Variants in ITPRID2 observed in about 807,000 individuals in gnomAD.
ITPRID2 encodes ITPR interacting domain containing 2.
ITPRID2 carries 60 observed loss-of-function variants against 124.3 expected under a neutral mutation model. The observed-to-expected ratio is 0.48, with a 90% CI of 0.39 to 0.60. ITPRID2 has a LOEUF of 0.60. ITPRID2 is among the 20% of genes least tolerant of loss of function. The pLI is 0.00. For synonymous variants in ITPRID2, 521 were observed against 542.9 expected (o/e 0.96, Z 0.56); for missense variants, 1,553 against 1,512.2 (o/e 1.03, Z -0.45).
At chr2:181,928,381 G>A (rs1044739194) in intron 17 of ITPRID2, 103 bp downstream of exon 17, 29 of 672,756 alleles carry the variant, frequency 4.3e-5, no homozygotes, top group African/African-American at 4.2e-4. Flanking sequence ...GTTAAATTTT[G>A]AGTTTTAGAA....
At chr2:181,914,009 T>C in intron 10 of ITPRID2, 76 bp downstream of exon 10, 1 of 883,512 alleles carries the variant, frequency 1.1e-6, no homozygotes, top group South Asian at 1.6e-5. Context: ...CTATATATTT[T>C]AATATTGAGT....
chr2:181,921,073 A>G (rs1694443614), intron 15 of ITPRID2, among the ~76,000 whole-genome samples: 1 of 152,182 alleles, frequency 6.6e-6, no homozygotes, highest in Non-Finnish European at 1.5e-5. Context: ...AGTCCCAGTT[A>G]CTCAGGAGGC....
At chr2:181,898,980 T>TA (rs774188199) in intron 5 of ITPRID2, 34 bp from the exon 6 acceptor site, 1 of 1,596,820 alleles carries the variant, frequency 6.3e-7, no homozygotes, top group South Asian at 1.1e-5. Context: ...AAAATAAAGT[T>TA]ATAAAGTTTT....
At chr2:181,899,261 CTTTTTGTTTT>C (rs1692467633) in intron 6 of ITPRID2, 149 bp downstream of exon 6, 1 of 606,262 alleles carries the variant, frequency 1.6e-6, no homozygotes, top group African/African-American at 1.9e-5. Flanking sequence ...CTGATAGGAG[CTTTTTGTTTT>C]GTTTTGTTTT....
chr2:181,915,555 G>A lies in ITPRID2; in HGVS notation c.1915G>A (p.Glu639Lys). Reference sequence around the variant, plus strand: ...AGCAGAGACAGTAGAGCTACTGAGGGAAGCAAGTGCTGAAAGTGATGTGGG... The same window carrying A: ...AGCAGAGACAGTAGAGCTACTGAGGAAAGCAAGTGCTGAAAGTGATGTGGG... Reference protein sequence around the residue: ...FPAETVELLREASAESDVGKS... With the variant: ...FPAETVELLRKASAESDVGKS... Residue 639 changes from glutamate to lysine, a missense_variant, in exon 11 of 18, where the codon GAA becomes AAA. Transcript: ENST00000431877. 1 of 1,614,208 alleles carries A rather than the reference G, an allele frequency of 6.2e-7. No individual in the cohort carries two copies. Among genetic ancestry groups the A allele is most frequent in the Non-Finnish European group, 8.5e-7 (1 of 1,180,038 alleles).
intron 2 of ITPRID2, chr2:181,894,194 T>C (rs1470484544): frequency 6.6e-6 from 1 of 152,230 alleles, no homozygotes; most frequent in Non-Finnish European, 1.5e-5. Context: ...TAATGACATA[T>C]AGGATTTAAG....
At position 181,901,756 on chromosome 2, in the gene ITPRID2, C is replaced by T. The variant is rs1692684050; in HGVS notation, c.713-10C>T. 4 of 1,567,256 alleles carry T rather than the reference C, an allele frequency of 2.6e-6. No individual in the cohort carries two copies. Among genetic ancestry groups the T allele is most frequent in the Non-Finnish European group, 3.4e-6 (4 of 1,159,444 alleles). On this transcript the variant is annotated splice_polypyrimidine_tract_variant and intron_variant, in intron 7 of 17. Coordinates refer to ENST00000431877, the MANE Select transcript of ITPRID2 (RefSeq NM_001130445.3). ...TATAAACATATCATTAATATTGTTT[C>T]TTTTGGTAGGCCGTTTTCGTCAAAT...
At chr2:181,898,520 A>G (rs939431670) in intron 4 of ITPRID2, among the ~76,000 whole-genome samples, 8 of 152,114 alleles carry the variant, frequency 5.3e-5, no homozygotes, top group African/African-American at 1.9e-4. Context: ...ATTCATTAAT[A>G]GCTTTTAAAT....
chr2:181,913,282 T>C (rs1046331564), intron 9 of ITPRID2, among the ~76,000 whole-genome samples: 9 of 152,152 alleles, frequency 5.9e-5, no homozygotes, highest in Admixed American at 2.6e-4. Flanking sequence ...TTAGCCAGGA[T>C]GGTCTCGATC....
chr2:181,919,403 G>A lies in ITPRID2; in HGVS notation c.3101G>A (p.Arg1034His), dbSNP rs141174919. The A allele has an allele frequency of 1.9e-4, 308 of 1,613,490 alleles. No individual in the cohort carries two copies. In the East Asian group the frequency reaches 4.3e-3, roughly 23 times the overall value. Reference protein sequence around the residue: ...ERLLGLEEQLRAVRMPSPFRS... With the variant: ...ERLLGLEEQLHAVRMPSPFRS... Reference sequence around the variant, plus strand: ...CTGCTGGGCCTGGAGGAGCAGCTTCGTGCTGTGCGCATGCCTTCACCCTTC... The same window carrying A: ...CTGCTGGGCCTGGAGGAGCAGCTTCATGCTGTGCGCATGCCTTCACCCTTC... Residue 1034 changes from arginine (R) to histidine (H), a missense_variant, in exon 14 of 18, where the codon CGT becomes CAT. By Grantham distance (29) the Arg-to-His change is conservative. Transcript: ENST00000431877. The surrounding 1 kb of genome is among the most constrained non-coding windows in gnomAD (Gnocchi z 4.2).
chr2:181,895,462 G>A (rs193117186), intron 2 of ITPRID2, among the ~76,000 whole-genome samples: 25 of 152,070 alleles, frequency 1.6e-4, no homozygotes, highest in African/African-American at 4.6e-4. Flanking sequence ...AAAACAAAGC[G>A]AATCTCAAGC....
In ITPRID2 at chr2:181,929,649, G is replaced by A. The variant is rs756229221; in HGVS notation, c.*102G>A. On this transcript the variant is annotated 3_prime_UTR_variant, in exon 18 of 18. Coordinates refer to ENST00000431877, the MANE Select transcript of ITPRID2 (RefSeq NM_001130445.3). Reference sequence around the variant, plus strand: ...GTTATTTGTGCTTTAGAAGATACTTGCTGTTGAGCTGGGCTACTGTATACA... The same window carrying A: ...GTTATTTGTGCTTTAGAAGATACTTACTGTTGAGCTGGGCTACTGTATACA... 6.2e-7 allele frequency: 1 copy of A among 1,609,704 alleles called. No individual in the cohort carries two copies. Among genetic ancestry groups the A allele is most frequent in the South Asian group, 1.1e-5 (1 of 90,896 alleles).
Position 181,918,616 on chromosome 2 carries a change from C to G in ITPRID2, c.2806C>G (p.Pro936Ala), listed in dbSNP as rs1397992899. 3 of 1,613,884 alleles carry G rather than the reference C, an allele frequency of 1.9e-6. No homozygotes were observed. Among genetic ancestry groups the G allele is most frequent in the Non-Finnish European group, 2.5e-6 (3 of 1,179,944 alleles). ...TTTGAAGTACCCTATGATGAGAGGA[C>G]CTGATCCTGCTGCTGCTCCATATAG... ...NLSQYPMMRG[P>A]DPAAAPYSTQ... The change falls in exon 12 of 18, where the codon CCT (proline) becomes GCT (alanine). Residue 936 changes from proline (P) to alanine (A), a missense_variant. Physicochemically the swap from Pro to Ala is conservative, Grantham distance 27. Transcript: ENST00000431877.
chr2:181,896,043 G>T lies in ITPRID2; in HGVS notation c.271G>T (p.Ala91Ser), dbSNP rs1460728929. Residue 91 changes from alanine to serine, a missense_variant, in exon 3 of 18, where the codon GCC becomes TCC. Transcript: ENST00000431877. The surrounding 1 kb of genome is among the most constrained non-coding windows in gnomAD (Gnocchi z 4.3). Reference protein sequence around the residue: ...WLKDCRTPLGASLDEQSSSTL... With the variant: ...WLKDCRTPLGSSLDEQSSSTL... ...ATATGGTTTCAGTACACCTTTGGGA[G>T]CCTCACTGGATGAACAAAGCAGTAG... The T allele has an allele frequency of 1.2e-6, 2 of 1,612,842 alleles. No homozygotes were observed. The highest frequency in any genetic ancestry group is 1.7e-6 in the Non-Finnish European group (2 of 1,179,026).
chr2:181,923,534 T>G (rs1002619950), intron 16 of ITPRID2, among the ~76,000 whole-genome samples: 4 of 152,250 alleles, frequency 2.6e-5, no homozygotes, highest in Non-Finnish European at 5.9e-5. Flanking sequence ...AAACTCAGCA[T>G]TCACCCTACT....
At chr2:181,918,373 G>A (rs973416009) in intron 11 of ITPRID2, 11 of 1,288,494 alleles carry the variant, frequency 8.5e-6, no homozygotes, top group African/African-American at 4.6e-5. Flanking sequence ...ATGTTCCTTC[G>A]CCTCCTCCTC....
rs145688378 is a variant in ITPRID2, at chr2:181,900,779, T to C, written c.587T>C (p.Ile196Thr). 144 of 1,613,324 alleles carry C rather than the reference T, an allele frequency of 8.9e-5. No homozygotes were observed. Among genetic ancestry groups the C allele is most frequent in the South Asian group, 4.4e-5 (4 of 91,012 alleles). ...GGATTTGGACGTGATGAACCAGATA[T>C]TGCTTCTAAAATTCCTTCCAGATTT... ...NLGFGRDEPD[I>T]ASKIPSRFFN... is the part of the protein sequence containing the mutation. Residue 196 changes from isoleucine to threonine, a missense_variant, in exon 7 of 18, where the codon ATT becomes ACT. Coordinates refer to ENST00000431877, the MANE Select transcript of ITPRID2 (RefSeq NM_001130445.3).
chr2:181,927,069 G>A (rs1226017221), intron 16 of ITPRID2, among the ~76,000 whole-genome samples: 2 of 152,172 alleles, frequency 1.3e-5, no homozygotes, highest in African/African-American at 4.8e-5. Flanking sequence ...AGTACAGATG[G>A]TTGGTAGCTA....
intron 11 of ITPRID2, chr2:181,917,475 T>C (rs896031815): frequency 6.6e-6 from 1 of 152,268 alleles, no homozygotes; most frequent in African/African-American, 2.4e-5. Flanking sequence ...GTGATGGAAC[T>C]TGCAGCTGTG....
Sources: allele counts gnomAD v4.1 joint callset (sites outside exome capture counted in the v4.1 genomes callset), GRCh38; gene constraint gnomAD v4.1.1; non-coding constraint Gnocchi (gnomAD v3.1); transcripts MANE v1.5; gene names NCBI Gene and HGNC (gene_info 2026-07-23, HGNC 2026-07-21).